DMD: variants seen among roughly 807,000 people sequenced by gnomAD.
The protein encoded by DMD is mutant dystrophin.
DMD carries 63 observed loss-of-function variants against 330.1 expected under a neutral mutation model. The observed-to-expected ratio is 0.19, with a 90% CI of 0.16 to 0.24. DMD has a LOEUF of 0.24. Among genes scored for constraint, DMD ranks in the 10% least tolerant of loss-of-function variants. DMD has a pLI of 1.00. For missense variants in DMD, 3,344 were observed against 2,684.1 expected, an observed-to-expected ratio of 1.25 and a Z score of -5.43; for synonymous variants, 1,223 against 959.8, an observed-to-expected ratio of 1.27 and a Z score of -5.07.
At chrX:32,507,460 C>G (rs2044744281) in intron 18 of DMD, among the ~76,000 whole-genome samples, 1 of 111,681 alleles carries the variant, frequency 9.0e-6, no homozygotes, top group Non-Finnish European at 1.9e-5. Context: ...TCTAAGCTTA[C>G]TAGAATCAAT....
At chrX:31,572,254 T>A (rs2075860837) in intron 55 of DMD, among the ~76,000 whole-genome samples, 1 of 112,350 alleles carries the variant, frequency 8.9e-6, no homozygotes, top group Non-Finnish European at 1.9e-5. Context: ...AAAGAAAAAT[T>A]TAGTATAGTA....
chrX:32,827,611 T>C (rs1034608958), intron 4 of DMD, among the ~76,000 whole-genome samples: 1 of 109,844 alleles, frequency 9.1e-6, no homozygotes, highest in Non-Finnish European at 1.9e-5. Flanking sequence ...TAGGCTCCAG[T>C]GTCTGTTGTT....
At chrX:31,260,016 A>G (rs1204328248) in intron 63 of DMD, among the ~76,000 whole-genome samples, 1 of 111,897 alleles carries the variant, frequency 8.9e-6, no homozygotes, top group African/African-American at 3.2e-5. Flanking sequence ...TATATTAAAA[A>G]AATACATAAA....
At chrX:31,147,017 C>T (rs1358336638) in intron 75 of DMD, among the ~76,000 whole-genome samples, 3 of 111,633 alleles carry the variant, frequency 2.7e-5, no homozygotes, top group Non-Finnish European at 5.6e-5. Context: ...AACCTTTAGG[C>T]GTTTTTTTCC....
intron 1 of DMD, among the ~76,000 whole-genome samples, chrX:33,163,191 C>G (rs186142456): frequency 9.0e-6 from 1 of 111,344 alleles, no homozygotes; most frequent in African/African-American, 3.3e-5. Context: ...ATGATGGAAT[C>G]AAATCCTCAC....
At chrX:31,310,716 A>ATT (rs1230035132) in intron 62 of DMD, among the ~76,000 whole-genome samples, 143 of 84,286 alleles carry the variant, frequency 1.7e-3, no homozygotes, top group East Asian at 9.1e-3. Context: ...CATGCCAAGG[A>ATT]TTTTTTTTTT....
intron 1 of DMD, among the ~76,000 whole-genome samples, chrX:33,185,875 A>T (rs947248436): frequency 8.9e-6 from 1 of 112,301 alleles, no homozygotes; most frequent in East Asian, 2.8e-4. Context: ...AAGAAGTTCC[A>T]TGGTGAAATG....
At chrX:32,238,308 C>A (rs758834074) in intron 43 of DMD, among the ~76,000 whole-genome samples, 1 of 111,424 alleles carries the variant, frequency 9.0e-6, no homozygotes, top group African/African-American at 3.3e-5. Flanking sequence ...TGCAGCCTCT[C>A]GAGATTTGTC....
At chrX:33,296,823 T>C (rs1331474505) in intron 1 of DMD, among the ~76,000 whole-genome samples, 1 of 111,566 alleles carries the variant, frequency 9.0e-6, no homozygotes, top group Non-Finnish European at 1.9e-5. Context: ...GATTAAAAAA[T>C]TTAGCTGATC....
chrX:32,406,068 T>G (rs2098115445), intron 30 of DMD, among the ~76,000 whole-genome samples: 1 of 111,687 alleles, frequency 9.0e-6, no homozygotes, highest in Non-Finnish European at 1.9e-5. Context: ...GTTATTGGTG[T>G]ATAAGAATGC....
chrX:31,264,334 C>G (rs1006240171), intron 62 of DMD, among the ~76,000 whole-genome samples: 1 of 111,616 alleles, frequency 9.0e-6, no homozygotes, highest in African/African-American at 3.3e-5. Context: ...CTCTCCACAT[C>G]GGAAATACAC....
At chrX:31,978,857 C>T (rs1041601031) in intron 44 of DMD, among the ~76,000 whole-genome samples, 3 of 111,579 alleles carry the variant, frequency 2.7e-5, no homozygotes, top group Non-Finnish European at 5.6e-5. Context: ...GTGTTGCTAC[C>T]TGGCAGTGCT....
At chrX:31,556,090 G>A (rs370463887) in intron 55 of DMD, among the ~76,000 whole-genome samples, 5 of 110,368 alleles carry the variant, frequency 4.5e-5, no homozygotes, top group East Asian at 5.7e-4. Context: ...ATAATTGGCC[G>A]GGCGCAGTGG....
intron 2 of DMD, among the ~76,000 whole-genome samples, chrX:32,983,070 G>A (rs766477210): frequency 2.7e-5 from 3 of 111,597 alleles, no homozygotes; most frequent in Non-Finnish European, 5.7e-5. Context: ...CCTCTGGGAG[G>A]GGCACCCTCA....
chrX:33,154,034 T>A (rs1340040868), intron 1 of DMD, among the ~76,000 whole-genome samples: 1 of 112,410 alleles, frequency 8.9e-6, no homozygotes, highest in Non-Finnish European at 1.9e-5. Context: ...TCTATTTCTT[T>A]CAAACATTCT....
At position 32,274,190 on chromosome X, in the gene DMD, T is replaced by C. The variant is rs993035430; in HGVS notation, c.6290+13339A>G. ...CTTTTTCCTTTGACAATAATAAAAA[T>C]GTTTATTTAGATAACAAGCAGGCAA... On this transcript the variant is annotated intron_variant, in intron 43 of 78. Coordinates refer to ENST00000357033, the MANE Select transcript of DMD (RefSeq NM_004006.3). 1.6e-4 allele frequency among the ~76,000 whole-genome samples: 18 copies of C among 111,842 alleles called. 2 individuals are homozygous for C. Among genetic ancestry groups the C allele is most frequent in the Admixed American group, 1.4e-3 (15 of 10,474 alleles).
chrX:32,668,729 GCT>G (rs757689256), intron 9 of DMD, among the ~76,000 whole-genome samples: 14 of 108,902 alleles, frequency 1.3e-4, no homozygotes, highest in African/African-American at 4.8e-4. Context: ...ATGCCATCTT[GCT>G]CTCTGATAAA....
chrX:32,437,614 C>T (rs1047999759), intron 29 of DMD, among the ~76,000 whole-genome samples: 1 of 112,083 alleles, frequency 8.9e-6, no homozygotes, highest in Non-Finnish European at 1.9e-5. Flanking sequence ...AACCATAGAA[C>T]CATATCTCAC....
At chrX:31,882,799 C>T (rs921397903) in intron 47 of DMD, among the ~76,000 whole-genome samples, 2 of 111,664 alleles carry the variant, frequency 1.8e-5, no homozygotes, top group Non-Finnish European at 3.8e-5. Flanking sequence ...TCACATTCAC[C>T]TAAATGGTTA....
Sources: gnomAD v4.1 joint callset for allele counts (sites outside exome capture counted in the v4.1 genomes callset) on GRCh38, gnomAD v4.1.1 for gene constraint, MANE v1.5 for transcripts, NCBI Gene and HGNC (gene_info 2026-07-23, HGNC 2026-07-21) for gene names.